Variants in PRAMEF11 observed in about 807,000 individuals in gnomAD.
The protein encoded by PRAMEF11 is PRAME family member 11.
Under a neutral mutation model 33.6 loss-of-function variants are expected in PRAMEF11, and 17 were observed. That is an observed-to-expected ratio of 0.51 (90% CI 0.35 to 0.76). The LOEUF (loss-of-function observed/expected upper bound fraction) is 0.76, where lower values mean the gene tolerates loss of function less well. PRAMEF11 is among the 30% of genes least tolerant of loss of function. The pLI is 0.01. For missense variants in PRAMEF11, 568 were observed against 567.0 expected (o/e 1.00, Z -0.02); for synonymous variants, 205 against 227.3 (o/e 0.90, Z 0.88).
chr1:12,827,297 T>G lies in PRAMEF11; in HGVS notation c.827A>C (p.Tyr276Ser), dbSNP rs201216841. 1.9e-4 allele frequency: 305 copies of G among 1,598,032 alleles called. 4 individuals are homozygous for G. The highest frequency in any genetic ancestry group is 1.7e-3 in the East Asian group (76 of 44,658). The change falls in exon 3 of 4, where the codon TAT becomes TCT. Residue 276 changes from tyrosine to serine, a missense_variant. Coordinates refer to ENST00000619922, the MANE Select transcript of PRAMEF11 (RefSeq NM_001146344.3). ...TTCGAGGAAAGAAACAGAGTTCATA[T>G]AAAGCTTTTGGAGGCAGCGCAGCTT... ...FLKLRCLQKL[Y>S]MNSVSFLEGH...
At chr1:12,828,960 C>G (rs768893692) in intron 1 of PRAMEF11, among the ~76,000 whole-genome samples, 155 bp from the exon 2 acceptor site, 1 of 152,014 alleles carries the variant, frequency 6.6e-6, no homozygotes, top group African/African-American at 2.4e-5. Flanking sequence ...ATTAAGCCAG[C>G]ATTCTGCCTC....
At position 12,828,450 on chromosome 1, in the gene PRAMEF11, A is replaced by G. The variant is rs189212178; in HGVS notation, c.293+47T>C. 18 of 1,564,636 alleles carry G rather than the reference A, an allele frequency of 1.2e-5. 1 individual carries two copies. In the African/African-American group the frequency reaches 2.1e-4, roughly 18 times the overall value. On this transcript the variant is annotated intron_variant, in intron 2 of 3. Coordinates refer to ENST00000619922, the MANE Select transcript of PRAMEF11 (RefSeq NM_001146344.3). The stretch of plus-strand genomic sequence containing the variant: ...CTTCACATGACCCAGCTGTTCCTTC[A>G]GTTGGACACCTGGGCCCTCCCCACC...
chr1:12,827,399 G>T lies in PRAMEF11; in HGVS notation c.725C>A (p.Ser242Tyr). The change falls in exon 3 of 4, where the codon TCC becomes TAC. Residue 242 changes from serine to tyrosine, a missense_variant. Physicochemically the swap from Ser to Tyr is moderately radical, Grantham distance 144. Coordinates refer to ENST00000619922, the MANE Select transcript of PRAMEF11 (RefSeq NM_001146344.3). ...HLRNLQKLVL[S>Y]HMDVSRYVSP... ...AACGTAGCGAGAGACATCCATGTGGGAGAGAACGAGCTTCTGAAGATTCCT... is the reference window on the plus strand; with the variant it reads ...AACGTAGCGAGAGACATCCATGTGGTAGAGAACGAGCTTCTGAAGATTCCT... 2 of 1,605,456 alleles carry T rather than the reference G, an allele frequency of 1.2e-6. No individual in the cohort carries two copies. Among genetic ancestry groups the T allele is most frequent in the Non-Finnish European group, 1.7e-6 (2 of 1,177,982 alleles).
Position 12,826,630 on chromosome 1 carries a change from C to T in PRAMEF11, c.875+619G>A, listed in dbSNP as rs939519678. 2.8e-4 allele frequency among the ~76,000 whole-genome samples: 42 copies of T among 151,028 alleles called. 1 individual carries two copies. Among genetic ancestry groups the T allele is most frequent in the Non-Finnish European group, 1.3e-4 (9 of 67,718 alleles). On this transcript the variant is annotated intron_variant, in intron 3 of 3. Transcript: ENST00000619922. The stretch of plus-strand genomic sequence containing the variant: ...TATAAAAATTAGCCAGGTGTGGTGG[C>T]CCACGCCTGTAATCCCAGGTACTCA...
In PRAMEF11 at chr1:12,827,476, G is replaced by C. The variant is rs1442588863; in HGVS notation, c.648C>G (p.Cys216Trp). 6.2e-7 allele frequency: 1 copy of C among 1,611,146 alleles called. No homozygotes were observed. The stretch of plus-strand genomic sequence containing the variant: ...GTGTCAGGATGGGCAGTATCCACTT[G>C]CAATTCACTTCCACCTCCTGGATAC... ...LDCIQEVEVN[C>W]KWILPILTQF... Residue 216 changes from cysteine (C) to tryptophan (W), a missense_variant, in exon 3 of 4, where the codon TGC (cysteine) becomes TGG (tryptophan). Physicochemically the swap from Cys to Trp is radical, Grantham distance 215. Coordinates refer to ENST00000619922, the MANE Select transcript of PRAMEF11 (RefSeq NM_001146344.3).
Position 12,825,206 on chromosome 1 carries a change from G to A in PRAMEF11, c.1173C>T (p.Pro391=), listed in dbSNP as rs1356132376. 1 of 1,607,886 alleles carries A rather than the reference G, an allele frequency of 6.2e-7. No individual in the cohort carries two copies. Among genetic ancestry groups the A allele is most frequent in the Non-Finnish European group, 8.5e-7 (1 of 1,177,624 alleles). Residue 391 remains proline (P), a synonymous_variant, in exon 4 of 4, where the codon CCC becomes CCT. Coordinates refer to ENST00000619922, the MANE Select transcript of PRAMEF11 (RefSeq NM_001146344.3). ...ELNTFSFCGN[P]ICMATLENLL... Reference sequence around the variant, plus strand: ...GGTTCTCCAGGGTGGCCATGCAGATGGGATTTCCACAGAAGCTGAAGGTGT... The same window carrying A: ...GGTTCTCCAGGGTGGCCATGCAGATAGGATTTCCACAGAAGCTGAAGGTGT...
At position 12,828,516 on chromosome 1, in the gene PRAMEF11, T is replaced by C. The variant is rs779361040; in HGVS notation, c.274A>G (p.Thr92Ala). The change falls in exon 2 of 4, where the codon ACC (threonine) becomes GCC (alanine). Residue 92 changes from threonine (T) to alanine (A), a missense_variant. By Grantham distance (58) the Thr-to-Ala change is moderately conservative. Coordinates refer to ENST00000619922, the MANE Select transcript of PRAMEF11 (RefSeq NM_001146344.3). ...CCTCACCTGGGACGAACCCCTTGGG[T>C]AAGCAGTGCATCCAGCCCATCGAGC... is the stretch of plus-strand genomic sequence containing the variant. ...AVLDGLDALL[T>A]QGVRPRRWKL... 1 of 1,600,384 alleles carries C rather than the reference T, an allele frequency of 6.2e-7. No homozygotes were observed. Among genetic ancestry groups the C allele is most frequent in the Non-Finnish European group, 8.5e-7 (1 of 1,173,032 alleles).
chr1:12,831,102 T>A (rs61777014), intron 1 of PRAMEF11, among the ~76,000 whole-genome samples: 109 of 150,020 alleles, frequency 7.3e-4, no homozygotes, highest in African/African-American at 2.1e-3. Context: ...GGCCTCCCAA[T>A]GTGTTGGGGT....
intron 1 of PRAMEF11, among the ~76,000 whole-genome samples, chr1:12,829,548 G>T (rs1012659369): frequency 6.6e-6 from 1 of 151,138 alleles, no homozygotes; most frequent in Non-Finnish European, 1.5e-5. Flanking sequence ...CCACAGTTAT[G>T]CATCACCACA....
chr1:12,829,209 C>A (rs1411726486), intron 1 of PRAMEF11, among the ~76,000 whole-genome samples: 1 of 151,386 alleles, frequency 6.6e-6, no homozygotes. Flanking sequence ...TGGGAACATT[C>A]ATGGGGCATC....
At chr1:12,826,503 T>C (rs1302315723) in intron 3 of PRAMEF11, among the ~76,000 whole-genome samples, 1 of 151,284 alleles carries the variant, frequency 6.6e-6, no homozygotes, top group Non-Finnish European at 1.5e-5. Flanking sequence ...AGCTCTCGCC[T>C]ATAATCCCAG....
Position 12,827,470 on chromosome 1 carries a change from C to G in PRAMEF11, c.654G>C (p.Trp218Cys). ...TAAACTGTGTCAGGATGGGCAGTATCCACTTGCAATTCACTTCCACCTCCT... is the reference window on the plus strand; with the variant it reads ...TAAACTGTGTCAGGATGGGCAGTATGCACTTGCAATTCACTTCCACCTCCT... Reference protein sequence around the residue: ...CIQEVEVNCKWILPILTQFTP... With the variant: ...CIQEVEVNCKCILPILTQFTP... The change falls in exon 3 of 4, where the codon TGG (tryptophan) becomes TGC (cysteine). Residue 218 changes from tryptophan to cysteine, a missense_variant. Physicochemically the swap from Trp to Cys is radical, Grantham distance 215. Around this residue, in one of 3 missense-constraint regions of PRAMEF11, gnomAD observed 342 missense variants for 312.0 expected, o/e 1.10. Transcript: ENST00000619922. 1 of 1,611,050 alleles carries G rather than the reference C, an allele frequency of 6.2e-7. No homozygotes were observed. The highest frequency in any genetic ancestry group is 8.5e-7 in the Non-Finnish European group (1 of 1,179,292).
At chr1:12,829,787 C>A (rs189177801) in intron 1 of PRAMEF11, among the ~76,000 whole-genome samples, 1,725 of 151,064 alleles carry the variant, frequency 0.011, 82 homozygotes, top group Non-Finnish European at 0.019. Flanking sequence ...GTAGGAGGAT[C>A]ACTTGAACCC....
chr1:12,828,347 G>C (rs2637934), intron 2 of PRAMEF11, 150 bp downstream of exon 2: 585,249 of 1,384,344 alleles, frequency 0.42, 135,650 homozygotes, highest in East Asian at 0.48. Context: ...CTGGTGAGCA[G>C]TGCTTTCCCT....
chr1:12,827,347 A>T lies in PRAMEF11; in HGVS notation c.777T>A (p.Val259=). ...TGAGGAACTGAGTGGTGAACTGGGTAACAATCTCCTTCTTCTGCTCTGGGG... is the reference window on the plus strand; with the variant it reads ...TGAGGAACTGAGTGGTGAACTGGGTTACAATCTCCTTCTTCTGCTCTGGGG... ...YVSPEQKKEI[V]TQFTTQFLKL... The change falls in exon 3 of 4, where the codon GTT becomes GTA. Residue 259 remains valine (V), a synonymous_variant. Transcript: ENST00000619922. The T allele has an allele frequency of 6.3e-7, 1 of 1,599,260 alleles. No homozygotes were observed.
intron 2 of PRAMEF11, among the ~76,000 whole-genome samples, chr1:12,828,077 C>T (rs551639270): frequency 6.7e-6 from 1 of 150,106 alleles, no homozygotes; most frequent in Admixed American, 6.7e-5. Context: ...CCTCTTCTTC[C>T]CGGGTTCAAA....
chr1:12,827,690 C>T lies in PRAMEF11; in HGVS notation c.434G>A (p.Gly145Glu), dbSNP rs2994114. ...TACAAACACAGTCAAGGGCTGCCGT[C>T]CTCTCATCCTTGGACAGTCCTGCAC... is the stretch of plus-strand genomic sequence containing the variant. ...KPVQDCPRMR[G>E]RQPLTVFVEL... Residue 145 changes from glycine (G) to glutamate (E), a missense_variant, in exon 3 of 4, where the codon GGA becomes GAA. Around this residue, in one of 3 missense-constraint regions of PRAMEF11, gnomAD observed 342 missense variants for 312.0 expected, o/e 1.10. Transcript: ENST00000619922. 0.22 allele frequency: 361,601 copies of T among 1,608,224 alleles called. 52,333 individuals are homozygous for T. Among genetic ancestry groups the T allele is most frequent in the African/African-American group, 0.37 (27,680 of 74,446 alleles).
rs56311901 is a variant in PRAMEF11 at position 12,827,958 on chromosome 1, T to C, written c.294-128A>G. ...CTCTCTGAGTTTTCTTCACCCTGTT[T>C]TCCCCTTGGATCCTACCCACTTCCA... On this transcript the variant is annotated intron_variant, in intron 2 of 3. Transcript: ENST00000619922. 897 of 1,532,384 alleles carry C rather than the reference T, an allele frequency of 5.9e-4. 28 individuals carry two copies. In the African/African-American group the frequency reaches 7.8e-3, roughly 13 times the overall value. The allele number at this position is 1,532,384 out of a possible 1,614,324, so 94.9% of individuals were successfully genotyped here. A position where few individuals can be genotyped will look rare whatever the true frequency, so the allele number is the denominator to read the frequency against.
rs11121992 is a variant in PRAMEF11 at position 12,829,391 on chromosome 1, T to C, written c.-16-586A>G. Among the ~76,000 whole-genome samples the C allele has an allele frequency of 3.1e-3, 461 of 149,834 alleles. 9 individuals are homozygous for C. The highest frequency in any genetic ancestry group is 0.01 in the African/African-American group (419 of 40,910). The stretch of plus-strand genomic sequence containing the variant: ...TGCCTCCCTTCTCTCATTCTCTCTC[T>C]CTTTCTCTCTCTCCCTCTCTCACTC... On this transcript the variant is annotated intron_variant, in intron 1 of 3. Coordinates refer to ENST00000619922, the MANE Select transcript of PRAMEF11 (RefSeq NM_001146344.3).
Sources: gnomAD v4.1 joint callset for allele counts (sites outside exome capture counted in the v4.1 genomes callset) on GRCh38, gnomAD v4.1.1 for gene constraint, gnomAD v4.1.1 regional missense constraint, MANE v1.5 for transcripts, NCBI Gene and HGNC (gene_info 2026-07-23, HGNC 2026-07-21) for gene names.